AFF3: variants seen among roughly 807,000 people sequenced by gnomAD.
AFF3 encodes ALF transcription elongation factor 3, also known as AF4/FMR2 family member 3.
A neutral mutation model predicts 129.7 loss-of-function variants in AFF3; 32 were observed. That is an observed-to-expected ratio of 0.25 (90% CI 0.19 to 0.33). AFF3 has a LOEUF of 0.33. Among genes scored for constraint, AFF3 ranks in the 10% least tolerant of loss-of-function variants. AFF3 has a pLI of 1.00. For missense variants in AFF3, 1,373 were observed against 1,592.0 expected, an observed-to-expected ratio of 0.86 and a Z score of 2.34; for synonymous variants, 644 against 635.4, an observed-to-expected ratio of 1.01 and a Z score of -0.20.
intron 13 of AFF3, among the ~76,000 whole-genome samples, chr2:99,647,313 T>A (rs1042606749): frequency 6.6e-6 from 1 of 152,180 alleles, no homozygotes; most frequent in Non-Finnish European, 1.5e-5. Context: ...TGAAATACTA[T>A]ACAGCCATAA....
chr2:100,138,984 C>T (rs965343186), intron 1 of AFF3, among the ~76,000 whole-genome samples: 1 of 147,430 alleles, frequency 6.8e-6, no homozygotes, highest in East Asian at 2.0e-4. Context: ...TGGGACACAA[C>T]AACTGAGTTG....
chr2:99,660,862 G>C (rs1026845580), intron 12 of AFF3, among the ~76,000 whole-genome samples: 6 of 152,132 alleles, frequency 3.9e-5, no homozygotes, highest in Non-Finnish European at 7.3e-5. Flanking sequence ...AGTGCCAAGG[G>C]ACCTTGAATG....
intron 7 of AFF3, among the ~76,000 whole-genome samples, chr2:99,874,120 T>A (rs1047408998): frequency 3.6e-4 from 55 of 152,132 alleles, no homozygotes; most frequent in Admixed American, 1.8e-3. Context: ...GAGCTTACAG[T>A]GAGTCGAGAT....
At chr2:99,921,380 A>C (rs1196391524) in intron 7 of AFF3, among the ~76,000 whole-genome samples, 2 of 152,246 alleles carry the variant, frequency 1.3e-5, no homozygotes, top group African/African-American at 4.8e-5. Context: ...GAAACTGAGG[A>C]GTTATCACAA....
chr2:100,063,129 T>C (rs796084477), intron 4 of AFF3, among the ~76,000 whole-genome samples: 2 of 151,572 alleles, frequency 1.3e-5, no homozygotes, highest in African/African-American at 2.4e-5. Flanking sequence ...CACTTGCCTG[T>C]AATCCCAGGT....
chr2:100,128,036 G>A (rs1692272734), intron 2 of AFF3, among the ~76,000 whole-genome samples: 1 of 152,078 alleles, frequency 6.6e-6, no homozygotes, highest in Admixed American at 6.5e-5. Context: ...CGTCCTCACT[G>A]CTACACTCCC....
At chr2:99,640,028 G>C (rs1339526583) in intron 13 of AFF3, among the ~76,000 whole-genome samples, 1 of 152,174 alleles carries the variant, frequency 6.6e-6, no homozygotes. Context: ...CAATGTGGCA[G>C]AAACAGGTGG....
In AFF3 at chr2:100,081,158, T is replaced by C. The variant is rs374815888; in HGVS notation, c.53+23244A>G. ...GTTAGGAATTACTCACTGGGTACAA[T>C]GTCTGTCACTCAGGTGACGGAAACC... On this transcript the variant is annotated intron_variant, in intron 4 of 24. Coordinates refer to ENST00000672756, the MANE Select transcript of AFF3 (RefSeq NM_001386135.1). 5.4e-4 allele frequency among the ~76,000 whole-genome samples: 82 copies of C among 152,218 alleles called. No individual in the cohort carries two copies. The South Asian group carries it at 0.013, about 25-fold the overall frequency.
At chr2:99,704,031 C>A (rs1677126618) in intron 11 of AFF3, among the ~76,000 whole-genome samples, 2 of 152,138 alleles carry the variant, frequency 1.3e-5, no homozygotes, top group South Asian at 4.1e-4. Context: ...AGAGACCTTA[C>A]CTCCATTTAG....
intron 7 of AFF3, among the ~76,000 whole-genome samples, chr2:99,958,647 CAG>C (rs1456926765): frequency 5.3e-5 from 8 of 151,888 alleles, no homozygotes; most frequent in South Asian, 4.2e-4. Flanking sequence ...AAATGGGGGA[CAG>C]GGGAAGGGGA....
At chr2:99,833,461 G>C (rs1326241377) in intron 8 of AFF3, among the ~76,000 whole-genome samples, 1 of 152,138 alleles carries the variant, frequency 6.6e-6, no homozygotes, top group Non-Finnish European at 1.5e-5. Context: ...AAGATGATGA[G>C]AGCAAGAAAG....
intron 8 of AFF3, among the ~76,000 whole-genome samples, chr2:99,794,957 T>C (rs896207060): frequency 5.3e-5 from 8 of 152,196 alleles, no homozygotes; most frequent in Admixed American, 2.6e-4. Context: ...TAAGAAGAAC[T>C]AGAGTAATCA....
At chr2:99,620,051 A>G (rs1363164190) in intron 13 of AFF3, among the ~76,000 whole-genome samples, 2 of 152,194 alleles carry the variant, frequency 1.3e-5, no homozygotes, top group African/African-American at 2.4e-5. Flanking sequence ...TGTCTCCCTC[A>G]TGCAGAAGGC....
intron 18 of AFF3, among the ~76,000 whole-genome samples, chr2:99,573,509 C>T (rs564013886): frequency 6.6e-5 from 10 of 152,214 alleles, no homozygotes; most frequent in South Asian, 4.1e-4. Context: ...GCTGCAATTT[C>T]GCCTACTCAA....
chr2:99,983,220 T>A (rs1390923497), intron 7 of AFF3, among the ~76,000 whole-genome samples: 2 of 152,188 alleles, frequency 1.3e-5, no homozygotes, highest in Admixed American at 1.3e-4. Flanking sequence ...TCTCGTCAAG[T>A]CATCAGCTAC....
chr2:99,754,961 T>C (rs1456511033), intron 8 of AFF3, among the ~76,000 whole-genome samples: 1 of 152,238 alleles, frequency 6.6e-6, no homozygotes, highest in Non-Finnish European at 1.5e-5. Context: ...GTCTTTCTTC[T>C]CTAATTCCAG....
chr2:99,713,105 A>C (rs1425467850), intron 11 of AFF3, among the ~76,000 whole-genome samples: 2 of 152,166 alleles, frequency 1.3e-5, no homozygotes, highest in African/African-American at 2.4e-5. Context: ...GTTATTGTTT[A>C]ATGGGCACAG....
intron 13 of AFF3, among the ~76,000 whole-genome samples, chr2:99,623,955 T>C (rs28434596): frequency 0.14 from 21,539 of 152,176 alleles, 1,625 homozygotes; most frequent in East Asian, 0.19. Flanking sequence ...AAAACACGAA[T>C]TCAAAGATAA....
chr2:99,744,813 T>A (rs987870728), intron 9 of AFF3, among the ~76,000 whole-genome samples: 2 of 152,224 alleles, frequency 1.3e-5, no homozygotes, highest in African/African-American at 4.8e-5. Context: ...TGTTTCTACC[T>A]TTTGGATATT....
Sources: gnomAD v4.1 joint callset for allele counts (sites outside exome capture counted in the v4.1 genomes callset) on GRCh38, gnomAD v4.1.1 for gene constraint, MANE v1.5 for transcripts, NCBI Gene and HGNC (gene_info 2026-07-23, HGNC 2026-07-21) for gene names.